The following ETNK1 variants were observed in gnomAD, a reference collection of about 807,000 sequenced individuals.
The protein encoded by ETNK1 is ethanolamine kinase 1.
ETNK1 carries 8 observed loss-of-function variants against 45.1 expected under a neutral mutation model. The ratio of observed to expected loss-of-function variants is 0.18; its 90% confidence interval spans 0.10 to 0.32. ETNK1 has a LOEUF of 0.32. ETNK1 is among the 10% of genes least tolerant of loss of function. The pLI, the probability that ETNK1 is intolerant of heterozygous loss-of-function variation, is 1.00. For missense variants in ETNK1, 302 were observed against 430.6 expected (o/e 0.70, Z 2.64); for synonymous variants, 152 against 151.9 (o/e 1.00, Z -0.01).
chr12:22,648,716 T>G (rs1178580201), intron 2 of ETNK1, among the ~76,000 whole-genome samples: 1 of 152,090 alleles, frequency 6.6e-6, no homozygotes, highest in Non-Finnish European at 1.5e-5. Flanking sequence ...TACAAATTTT[T>G]AACTCCTTTG....
chr12:22,675,584 C>G (rs982337488), intron 6 of ETNK1, among the ~76,000 whole-genome samples: 1 of 152,072 alleles, frequency 6.6e-6, no homozygotes, highest in African/African-American at 2.4e-5. Flanking sequence ...TCTTGGACTC[C>G]TGGCCTCAAG....
intron 2 of ETNK1, among the ~76,000 whole-genome samples, chr12:22,648,172 A>G (rs544739801): frequency 3.9e-5 from 6 of 152,026 alleles, no homozygotes; most frequent in African/African-American, 1.4e-4. Context: ...TATCAATATC[A>G]GAGTGGTACT....
chr12:22,687,409 A>G lies in ETNK1; in HGVS notation c.*2455A>G, dbSNP rs1260941839. 3 of 152,328 alleles carry G rather than the reference A, an allele frequency of 2.0e-5. No homozygotes were observed. The highest frequency in any genetic ancestry group is 2.9e-5 in the Non-Finnish European group (2 of 67,816). The allele number at this position is 152,328 out of a possible 1,614,324, so 9.4% of individuals were successfully genotyped here. A position where few individuals can be genotyped will look rare whatever the true frequency, so the allele number is the denominator to read the frequency against. On this transcript the variant is annotated 3_prime_UTR_variant, in exon 8 of 8. Coordinates refer to ENST00000266517, the MANE Select transcript of ETNK1 (RefSeq NM_018638.5). ...AAGGAACTTGAATGCCTTACCTAAT[A>G]ACTCAACTAGTAGTAAGCTCATTTT...
chr12:22,644,328 T>C (rs1483439818), intron 2 of ETNK1: 4 of 1,541,596 alleles, frequency 2.6e-6, no homozygotes, highest in East Asian at 4.6e-5. Context: ...TGAAGTGTTA[T>C]ACATTTCTTA....
chr12:22,658,917 C>A (rs1428723171), intron 2 of ETNK1, 97 bp from the exon 3 acceptor site: 2 of 1,275,342 alleles, frequency 1.6e-6, no homozygotes, highest in African/African-American at 3.0e-5. Flanking sequence ...CAAGAAGATT[C>A]GGGAGACTGA....
At chr12:22,675,945 TG>T (rs1954156747) in intron 6 of ETNK1, among the ~76,000 whole-genome samples, 1 of 152,220 alleles carries the variant, frequency 6.6e-6, no homozygotes. Flanking sequence ...TCTGAGATTC[TG>T]ATACCAATTT....
chr12:22,626,426 CA>C (rs76724285), intron 1 of ETNK1, among the ~76,000 whole-genome samples: 48,150 of 150,384 alleles, frequency 0.32, 7,831 homozygotes, highest in Non-Finnish European at 0.35. Context: ...CCCTTGCAAA[CA>C]AAAAAAAACA....
chr12:22,659,830 T>C (rs2137555543), intron 3 of ETNK1, among the ~76,000 whole-genome samples: 1 of 152,268 alleles, frequency 6.6e-6, no homozygotes, highest in Non-Finnish European at 1.5e-5. Flanking sequence ...TCCTTGAGGT[T>C]AATGATTCTT....
chr12:22,651,003 GAT>G (rs1334957093), intron 2 of ETNK1, among the ~76,000 whole-genome samples: 2 of 152,150 alleles, frequency 1.3e-5, no homozygotes, highest in Non-Finnish European at 2.9e-5. Flanking sequence ...AGAAAACTAG[GAT>G]ACAGACAACC....
intron 1 of ETNK1, among the ~76,000 whole-genome samples, chr12:22,643,402 T>C (rs1953764306): frequency 6.6e-6 from 1 of 151,916 alleles, no homozygotes; most frequent in African/African-American, 2.4e-5. Flanking sequence ...CCTGTATGTG[T>C]ACACACACAC....
intron 2 of ETNK1, among the ~76,000 whole-genome samples, chr12:22,650,408 G>A (rs537594682): frequency 6.6e-6 from 1 of 151,946 alleles, no homozygotes; most frequent in South Asian, 2.1e-4. Context: ...GATGTTAGCT[G>A]TAGTTTTTTT....
At chr12:22,632,846 G>C (rs1953598099) in intron 1 of ETNK1, among the ~76,000 whole-genome samples, 1 of 152,102 alleles carries the variant, frequency 6.6e-6, no homozygotes, top group Admixed American at 6.5e-5. Flanking sequence ...GGCATCATAT[G>C]AAATATGTGT....
At chr12:22,644,891 C>T (rs576026294) in intron 2 of ETNK1, among the ~76,000 whole-genome samples, 7 of 151,942 alleles carry the variant, frequency 4.6e-5, no homozygotes, top group South Asian at 2.1e-4. Context: ...TCGGATGGCC[C>T]GGGGCTCCCT....
chr12:22,627,018 T>C (rs1166525066), intron 1 of ETNK1, among the ~76,000 whole-genome samples: 1 of 152,206 alleles, frequency 6.6e-6, no homozygotes, highest in African/African-American at 2.4e-5. Flanking sequence ...TACTTCCTGG[T>C]AAACTCTAGT....
intron 6 of ETNK1, among the ~76,000 whole-genome samples, chr12:22,683,740 C>T (rs1374900230): frequency 6.6e-6 from 1 of 152,026 alleles, no homozygotes; most frequent in Admixed American, 6.6e-5. Flanking sequence ...GTTACTGTTG[C>T]TGTAATGAAT....
intron 4 of ETNK1, among the ~76,000 whole-genome samples, chr12:22,667,002 C>CT (rs1954059371): frequency 6.6e-6 from 1 of 151,916 alleles, no homozygotes; most frequent in Non-Finnish European, 1.5e-5. Context: ...GTTTGGTAAA[C>CT]TATGTTTTCT....
At chr12:22,681,993 A>G (rs1297400329) in intron 6 of ETNK1, among the ~76,000 whole-genome samples, 1 of 152,186 alleles carries the variant, frequency 6.6e-6, no homozygotes, top group Non-Finnish European at 1.5e-5. Context: ...GAATGTATCA[A>G]TTAATTTTTT....
intron 5 of ETNK1, among the ~76,000 whole-genome samples, chr12:22,671,572 C>CT (rs1008814282): frequency 6.6e-6 from 1 of 151,960 alleles, no homozygotes; most frequent in Non-Finnish European, 1.5e-5. Context: ...GGCGCGGTGG[C>CT]TCACGCCTGT....
intron 4 of ETNK1, among the ~76,000 whole-genome samples, chr12:22,667,874 T>G (rs1207294338): frequency 1.3e-5 from 2 of 152,202 alleles, no homozygotes; most frequent in East Asian, 3.9e-4. Context: ...CAGAGTATTT[T>G]TAGTATACTA....
Sources: allele counts gnomAD v4.1 joint callset (sites outside exome capture counted in the v4.1 genomes callset), GRCh38; gene constraint gnomAD v4.1.1; transcripts MANE v1.5; gene names NCBI Gene and HGNC (gene_info 2026-07-23, HGNC 2026-07-21).